The following ZNF329 variants were observed in gnomAD, a reference collection of about 807,000 sequenced individuals.
ZNF329 encodes zinc finger protein 329.
In ZNF329, 15 loss-of-function variants were observed where a neutral mutation model predicts 26.6. That is an observed-to-expected ratio of 0.56 (90% CI 0.38 to 0.87). The LOEUF (loss-of-function observed/expected upper bound fraction) is 0.87. Ranked by LOEUF, ZNF329 falls within the 40% of genes least tolerant of loss-of-function variation. ZNF329 has a pLI of 0.00. For missense variants in ZNF329, 651 were observed against 651.9 expected (o/e 1.00, Z 0.02); for synonymous variants, 239 against 233.5 (o/e 1.02, Z -0.21).
At chr19:58,132,280 G>GC (rs2074964644) in intron 3 of ZNF329, 1 of 152,178 alleles carries the variant, frequency 6.6e-6, no homozygotes, top group South Asian at 2.1e-4. Flanking sequence ...GGGGGCAGGC[G>GC]CGGTGGCTCA....
chr19:58,145,698 A>C (rs534341263), intron 1 of ZNF329, among the ~76,000 whole-genome samples: 1 of 152,310 alleles, frequency 6.6e-6, no homozygotes, highest in South Asian at 2.1e-4. Context: ...CAAAATGAGT[A>C]ATACACCATG....
chr19:58,152,485 A>T (rs1451287029), upstream of ZNF329, among the ~76,000 whole-genome samples: 1 of 152,120 alleles, frequency 6.6e-6, no homozygotes, highest in Non-Finnish European at 1.5e-5. Flanking sequence ...TCCAATTCAA[A>T]GACTCCCCCC....
intron 3 of ZNF329, chr19:58,132,800 T>C (rs1292662429): frequency 8.3e-6 from 1 of 119,998 alleles, no homozygotes; most frequent in Non-Finnish European, 1.9e-5. Flanking sequence ...CCTACGTAGA[T>C]AGATGGTCTT....
rs1238096969 is a variant in ZNF329 at position 58,126,567 on chromosome 19, A to G, written c.*1311T>C. On this transcript the variant is annotated 3_prime_UTR_variant, in exon 4 of 4. Coordinates refer to ENST00000598312, the MANE Select transcript of ZNF329 (RefSeq NM_024620.4). ...AGGTAGTGGTGGGGTGATAACATAA[A>G]CATAACAACTCAGTATTTTTGCTTC... The G allele has an allele frequency of 6.6e-6, 1 of 152,218 alleles. No homozygotes were observed. Among genetic ancestry groups the G allele is most frequent in the African/African-American group, 2.4e-5 (1 of 41,466 alleles). The allele number at this position is 152,218 out of a possible 1,614,324, so 9.4% of individuals were successfully genotyped here.
intron 3 of ZNF329, among the ~76,000 whole-genome samples, chr19:58,131,972 G>A (rs1437106194): frequency 1.4e-5 from 2 of 147,164 alleles, no homozygotes; most frequent in South Asian, 2.1e-4. Flanking sequence ...GCAGTGAGCC[G>A]CGATAGCGCC....
chr19:58,146,653 T>C (rs528018430), intron 1 of ZNF329, among the ~76,000 whole-genome samples: 97 of 151,626 alleles, frequency 6.4e-4, no homozygotes, highest in African/African-American at 2.3e-3. Context: ...CCTCCCTGCC[T>C]GATTCTCCCG....
chr19:58,136,963 G>T, intron 3 of ZNF329: 1 of 174,820 alleles, frequency 5.7e-6, no homozygotes. Flanking sequence ...AAACTCATTG[G>T]ACAAGCCATA....
At chr19:58,154,972 AC>A (rs1207732926), upstream of ZNF329, 5 of 152,398 alleles carry the variant, frequency 3.3e-5, no homozygotes, top group Non-Finnish European at 5.9e-5. Context: ...GTTGGCTGGA[AC>A]CCGCAGCCGT....
chr19:58,150,382 C>T (rs963325104), intron 1 of ZNF329, among the ~76,000 whole-genome samples: 2 of 152,226 alleles, frequency 1.3e-5, no homozygotes, highest in Non-Finnish European at 2.9e-5. Context: ...GGGGGTTACC[C>T]CCGGAGACGG....
At chr19:58,139,476 G>A (rs967159303) in intron 3 of ZNF329, among the ~76,000 whole-genome samples, 2 of 152,168 alleles carry the variant, frequency 1.3e-5, no homozygotes, top group African/African-American at 2.4e-5. Context: ...TGGTTCTGGT[G>A]AGGGTCCTCT....
Position 58,141,362 on chromosome 19 carries a change from G to A in ZNF329, c.-9+1195C>T, listed in dbSNP as rs187332033. On this transcript the variant is annotated intron_variant, in intron 3 of 3. Coordinates refer to ENST00000598312, the MANE Select transcript of ZNF329 (RefSeq NM_024620.4). ...TGCCCAGACTGAAGTGCAGTGGAGC[G>A]ATCTCAGCTCACTGCAACCTCCTCC... 6.6e-5 allele frequency among the ~76,000 whole-genome samples: 10 copies of A among 151,810 alleles called. No homozygotes were observed. The East Asian group carries it at 1.8e-3, about 27-fold the overall frequency.
intron 1 of ZNF329, among the ~76,000 whole-genome samples, chr19:58,147,769 G>C (rs1323618061): frequency 9.6e-4 from 18 of 18,804 alleles, no homozygotes; most frequent in Non-Finnish European, 1.6e-3. Flanking sequence ...GGAGGGAGGT[G>C]GGGGGGGTCA....
chr19:58,130,795 T>C (rs2074923037), intron 3 of ZNF329, among the ~76,000 whole-genome samples: 1 of 152,180 alleles, frequency 6.6e-6, no homozygotes, highest in Non-Finnish European at 1.5e-5. Context: ...GTCACCATCC[T>C]TGTCCATTCA....
At position 58,128,407 on chromosome 19, in the gene ZNF329, G is replaced by C. The variant is rs1288661572; in HGVS notation, c.1097C>G (p.Thr366Ser). 3.7e-6 allele frequency: 6 copies of C among 1,614,090 alleles called. No individual in the cohort carries two copies. The highest frequency in any genetic ancestry group is 5.1e-6 in the Non-Finnish European group (6 of 1,180,008). Residue 366 changes from threonine to serine, a missense_variant, in exon 4 of 4, where the codon ACT (threonine) becomes AGT (serine). Thr to Ser is a moderately conservative substitution (Grantham distance 58, BLOSUM62 1). Coordinates refer to ENST00000598312, the MANE Select transcript of ZNF329 (RefSeq NM_024620.4). ...TGCACACTCAAAGGGCTTTTCTCCA[G>C]TGTGAGTCCTCTCATGCTGGGTGAG... ...SYLTQHERTH[T>S]GEKPFECAEC...
At position 58,129,534 on chromosome 19, in the gene ZNF329, G is replaced by T. The variant is rs2074890331; in HGVS notation, c.-8-23C>A. The T allele has an allele frequency of 4.5e-6, 7 of 1,547,668 alleles. No individual in the cohort carries two copies. In the South Asian group the frequency reaches 8.7e-5, roughly 19 times the overall value. On this transcript the variant is annotated intron_variant, in intron 3 of 3. Coordinates refer to ENST00000598312, the MANE Select transcript of ZNF329 (RefSeq NM_024620.4). ...AAACTGCAAAAAGAAGAAAAATGCA[G>T]ACTTAGGTATATGAAGCTTTATCTG...
At chr19:58,137,877 G>A (rs2075107785) in intron 3 of ZNF329, among the ~76,000 whole-genome samples, 2 of 151,236 alleles carry the variant, frequency 1.3e-5, no homozygotes, top group South Asian at 4.2e-4. Context: ...TACTTGGGAA[G>A]CTGAGGTGGG....
At chr19:58,152,424 C>CA (rs35940938), upstream of ZNF329, among the ~76,000 whole-genome samples, 30,553 of 117,928 alleles carry the variant, frequency 0.26, 3,577 homozygotes, top group Middle Eastern at 0.31. Context: ...TACTCGGTCT[C>CA]AAAAAAAAAA....
Position 58,149,091 on chromosome 19 carries a change from C to T in ZNF329, c.-208+1661G>A, listed in dbSNP as rs796514074. Among the ~76,000 whole-genome samples, 13 of 152,196 alleles carry T rather than the reference C, an allele frequency of 8.5e-5. 1 individual carries two copies. The highest frequency in any genetic ancestry group is 3.1e-4 in the African/African-American group (13 of 41,526). ...AGCTTGCAGTAAAGGTGGCTAAAAC[C>T]CACCAAAACCAAGATGGCAACGAGA... On this transcript the variant is annotated intron_variant, in intron 1 of 3. Transcript: ENST00000598312.
At position 58,145,722 on chromosome 19, in the gene ZNF329, AAG is replaced by A. The variant is rs201958179; in HGVS notation, c.-207-2526_-207-2525del. On this transcript the variant is annotated intron_variant, in intron 1 of 3. Transcript: ENST00000598312. ...TAATACACCATGAACATAAGATTAA[AAG>A]AACATTCAAAGTACCATCTCTAGAA... is the stretch of plus-strand genomic sequence containing the variant. Among the ~76,000 whole-genome samples, 1,171 of 152,312 alleles carry A rather than the reference AAG, an allele frequency of 7.7e-3. 28 individuals carry two copies. Among genetic ancestry groups the A allele is most frequent in the African/African-American group, 0.026 (1,087 of 41,568 alleles).
Sources: allele counts gnomAD v4.1 joint callset (sites outside exome capture counted in the v4.1 genomes callset), GRCh38; gene constraint gnomAD v4.1.1; transcripts MANE v1.5; gene names NCBI Gene and HGNC (gene_info 2026-07-23, HGNC 2026-07-21).